Variants in EYS observed in about 807,000 individuals in gnomAD.
EYS encodes protein eyes shut homolog.
In EYS, 250 loss-of-function variants were observed where a neutral mutation model predicts 282.1. The observed-to-expected ratio is 0.89, with a 90% CI of 0.80 to 0.98. EYS has a LOEUF of 0.98. Among genes scored for constraint, EYS ranks in the 50% least tolerant of loss-of-function variants. The probability of loss-of-function intolerance (pLI) is 0.00; values close to 1 mark genes in which losing one functional copy is unlikely to be tolerated. For missense variants in EYS, 4,016 were observed against 3,709.0 expected (o/e 1.08, Z -2.15); for synonymous variants, 1,355 against 1,282.9 (o/e 1.06, Z -1.20).
At position 64,397,171 on chromosome 6, in the gene EYS, C is replaced by A. The variant is rs150279230; in HGVS notation, c.5928-8331G>T. ...TGGTTTTCAAAAGTTTGGGTGTATT[C>A]TTGGAGTAAGTTTAACTTGGTTATG... is the stretch of plus-strand genomic sequence containing the variant. On this transcript the variant is annotated intron_variant, in intron 28 of 42. Coordinates refer to ENST00000503581, the MANE Select transcript of EYS (RefSeq NM_001142800.2). Among the ~76,000 whole-genome samples, 1,319 of 151,964 alleles carry A rather than the reference C, an allele frequency of 8.7e-3. 27 individuals carry two copies. Among genetic ancestry groups the A allele is most frequent in the African/African-American group, 0.029 (1,209 of 41,476 alleles).
At chr6:63,930,563 G>T (rs1270823589) in intron 35 of EYS, among the ~76,000 whole-genome samples, 2 of 151,900 alleles carry the variant, frequency 1.3e-5, no homozygotes, top group African/African-American at 4.8e-5. Context: ...TCAAATCATT[G>T]TTTTTTTAAC....
At chr6:64,196,980 C>CTT (rs1008634351) in intron 31 of EYS, among the ~76,000 whole-genome samples, 1 of 147,388 alleles carries the variant, frequency 6.8e-6, no homozygotes, top group African/African-American at 2.5e-5. Context: ...ACTAGTGGCA[C>CTT]TTTTTTTTTT....
At chr6:64,985,956 A>T (rs1770845312) in intron 14 of EYS, among the ~76,000 whole-genome samples, 1 of 151,502 alleles carries the variant, frequency 6.6e-6, no homozygotes, top group Non-Finnish European at 1.5e-5. Context: ...CGTTTTCCAG[A>T]ATCCAGCTAC....
intron 26 of EYS, among the ~76,000 whole-genome samples, chr6:64,481,420 A>AT (rs35920870): frequency 0.3 from 44,942 of 148,906 alleles, 6,975 homozygotes; most frequent in East Asian, 0.47. Context: ...AAAATACAGA[A>AT]TTTTTTTTTC....
chr6:65,376,711 G>A (rs577892250), intron 8 of EYS, among the ~76,000 whole-genome samples: 1 of 152,032 alleles, frequency 6.6e-6, no homozygotes, highest in Admixed American at 6.6e-5. Context: ...AAAAAAAGCA[G>A]GGGTTGCAGT....
chr6:65,524,752 T>C (rs1159376341), intron 2 of EYS, among the ~76,000 whole-genome samples: 1 of 152,148 alleles, frequency 6.6e-6, no homozygotes, highest in Non-Finnish European at 1.5e-5. Context: ...AGCCCATGAA[T>C]GGTAGTTCTA....
intron 35 of EYS, among the ~76,000 whole-genome samples, chr6:63,971,843 T>C (rs1003129476): frequency 9.2e-5 from 14 of 152,218 alleles, no homozygotes; most frequent in African/African-American, 3.4e-4. Context: ...ATAAGTTCTA[T>C]TAATCTCAGA....
chr6:63,902,909 T>A (rs1332049727), intron 35 of EYS, among the ~76,000 whole-genome samples: 2 of 152,192 alleles, frequency 1.3e-5, no homozygotes, highest in South Asian at 2.1e-4. Flanking sequence ...TGATTATGTA[T>A]ACCAGGGTAA....
intron 12 of EYS, among the ~76,000 whole-genome samples, chr6:65,160,907 GA>G (rs1379501823): frequency 7.2e-6 from 1 of 138,380 alleles, no homozygotes; most frequent in Non-Finnish European, 1.6e-5. Flanking sequence ...ACTGACATCT[GA>G]GGCCTCAATT....
At chr6:64,041,104 G>C (rs1440317845) in intron 33 of EYS, among the ~76,000 whole-genome samples, 1 of 152,102 alleles carries the variant, frequency 6.6e-6, no homozygotes, top group Admixed American at 6.6e-5. Context: ...TAAGATTTCT[G>C]TCCCCTTGGG....
At chr6:64,696,410 G>T (rs1770580884) in intron 22 of EYS, among the ~76,000 whole-genome samples, 1 of 152,094 alleles carries the variant, frequency 6.6e-6, no homozygotes, top group African/African-American at 2.4e-5. Context: ...TATTCCAGAG[G>T]GAGAAGAAAT....
chr6:64,535,967 CTTCT>C (rs1764505883), intron 26 of EYS, among the ~76,000 whole-genome samples: 1 of 151,958 alleles, frequency 6.6e-6, no homozygotes, highest in Admixed American at 6.6e-5. Context: ...TTACAACTTA[CTTCT>C]TTAAGGCTTA....
chr6:63,951,099 T>C (rs920849952), intron 35 of EYS, among the ~76,000 whole-genome samples: 1 of 152,038 alleles, frequency 6.6e-6, no homozygotes, highest in African/African-American at 2.4e-5. Flanking sequence ...TCCGTGTCTC[T>C]ACCCTCTCTT....
chr6:65,519,311 G>A (rs113819703), intron 2 of EYS, among the ~76,000 whole-genome samples: 2,351 of 151,318 alleles, frequency 0.016, 81 homozygotes, highest in African/African-American at 0.055. Context: ...TGTGTGTGGC[G>A]GTGGTGGTGG....
intron 22 of EYS, among the ~76,000 whole-genome samples, chr6:64,701,686 G>A (rs79512632): frequency 0.057 from 8,618 of 152,056 alleles, 314 homozygotes; most frequent in East Asian, 0.15. Context: ...AGACACTGGA[G>A]TCTCAGAAGG....
chr6:64,917,235 C>A (rs1252499991), intron 15 of EYS, among the ~76,000 whole-genome samples: 1 of 138,668 alleles, frequency 7.2e-6, no homozygotes, highest in Non-Finnish European at 1.5e-5. Flanking sequence ...GGTGACAGAG[C>A]GAGACTTAGT....
At chr6:64,940,962 T>A (rs948761623) in intron 15 of EYS, among the ~76,000 whole-genome samples, 1 of 152,100 alleles carries the variant, frequency 6.6e-6, no homozygotes, top group Non-Finnish European at 1.5e-5. Flanking sequence ...TGTAAAATAA[T>A]CATCTGAGTG....
rs76953891 is a variant in EYS at position 64,961,277 on chromosome 6, G to A, written c.2260-15363C>T. Among the ~76,000 whole-genome samples the A allele has an allele frequency of 2.9e-3, 436 of 152,154 alleles. 3 individuals carry two copies. The highest frequency in any genetic ancestry group is 0.01 in the African/African-American group (417 of 41,534). On this transcript the variant is annotated intron_variant, in intron 14 of 42. Coordinates refer to ENST00000503581, the MANE Select transcript of EYS (RefSeq NM_001142800.2). ...TAATTGACTTTGATTATGGAATGTAGCCCTTTAAAGACGTGTTTCCCAAAG... is the reference window on the plus strand; with the variant it reads ...TAATTGACTTTGATTATGGAATGTAACCCTTTAAAGACGTGTTTCCCAAAG...
intron 15 of EYS, among the ~76,000 whole-genome samples, chr6:64,928,631 TTCA>T (rs1238171774): frequency 6.6e-6 from 1 of 152,124 alleles, no homozygotes; most frequent in African/African-American, 2.4e-5. Context: ...ATTAAAACAA[TTCA>T]TCATCTTTAA....
Sources: gnomAD v4.1 joint callset for allele counts (sites outside exome capture counted in the v4.1 genomes callset) on GRCh38, gnomAD v4.1.1 for gene constraint, MANE v1.5 for transcripts, NCBI Gene and HGNC (gene_info 2026-07-23, HGNC 2026-07-21) for gene names.